LINGO2: variants seen among roughly 807,000 people sequenced by gnomAD.
The protein encoded by LINGO2 is leucine-rich repeat and immunoglobulin-like domain-containing nogo receptor-interacting protein 2.
A neutral mutation model predicts 30.6 loss-of-function variants in LINGO2; 14 were observed. The ratio of observed to expected loss-of-function variants is 0.46; its 90% CI spans 0.30 to 0.72. The LOEUF is 0.72. Among genes scored for constraint, LINGO2 ranks in the 30% least tolerant of loss-of-function variants. The probability of loss-of-function intolerance (pLI) is 0.07; values close to 1 mark genes in which losing one functional copy is unlikely to be tolerated. For missense variants in LINGO2, 729 were observed against 751.7 expected, an observed-to-expected ratio of 0.97 and a Z score of 0.35; for synonymous variants, 317 against 288.5, an observed-to-expected ratio of 1.10 and a Z score of -1.00.
chr9:28,398,804 G>C (rs1047916488), intron 2 of LINGO2, among the ~76,000 whole-genome samples: 8 of 152,092 alleles, frequency 5.3e-5, no homozygotes, highest in Non-Finnish European at 1.0e-4. Context: ...TTCAGGAAAT[G>C]TAATTTTTGA....
intron 4 of LINGO2, among the ~76,000 whole-genome samples, chr9:28,042,740 T>TGA (rs1563937768): frequency 6.6e-6 from 1 of 152,206 alleles, no homozygotes; most frequent in Non-Finnish European, 1.5e-5. Context: ...CTGCAATCAA[T>TGA]ATCATCTTAT....
At chr9:28,036,230 CCAT>C (rs1323252516) in intron 4 of LINGO2, among the ~76,000 whole-genome samples, 4 of 152,088 alleles carry the variant, frequency 2.6e-5, no homozygotes, top group African/African-American at 9.7e-5. Context: ...AACAAACAGC[CCAT>C]CATCATGTAG....
At chr9:28,726,285 G>A in the LINGO2 span, among the ~76,000 whole-genome samples, 1 of 152,086 alleles carries the variant, frequency 6.6e-6, no homozygotes, top group Non-Finnish European at 1.5e-5. Flanking sequence ...AAGTGTTAAT[G>A]TTAGTGTTAA....
intron 2 of LINGO2, among the ~76,000 whole-genome samples, chr9:28,385,816 C>G (rs1821556163): frequency 6.6e-6 from 1 of 151,932 alleles, no homozygotes; most frequent in African/African-American, 2.4e-5. Flanking sequence ...GAAAATGGAC[C>G]CAGAGAGAAA....
At position 28,560,155 on chromosome 9, in the gene LINGO2, TG is replaced by T. The variant is rs545114941; in HGVS notation, c.-364-84131del. 2.0e-5 allele frequency among the ~76,000 whole-genome samples: 3 copies of T among 152,156 alleles called. No homozygotes were observed. In the East Asian group the frequency reaches 5.8e-4, roughly 29 times the overall value. Reference sequence around the variant, plus strand: ...TACGTTACCAATACTTCTCATCTTTTGGGTACTGTGAGGATTAATAGTATGT... The same window carrying T: ...TACGTTACCAATACTTCTCATCTTTTGGTACTGTGAGGATTAATAGTATGT... On this transcript the variant is annotated intron_variant, in intron 1 of 5. Transcript: ENST00000379992.
chr9:29,114,110 AC>A, the LINGO2 span, among the ~76,000 whole-genome samples: 1 of 146,440 alleles, frequency 6.8e-6, no homozygotes, highest in African/African-American at 2.5e-5. Context: ...GCTTTTTCTG[AC>A]TTTTTTGGTT....
intron 1 of LINGO2, among the ~76,000 whole-genome samples, chr9:28,590,685 T>C (rs1824843347): frequency 6.6e-6 from 1 of 151,978 alleles, no homozygotes; most frequent in South Asian, 2.1e-4. Flanking sequence ...TGTGGAGAAA[T>C]AGGAACACTT....
chr9:28,539,449 C>T (rs1325599328), intron 1 of LINGO2, among the ~76,000 whole-genome samples: 4 of 151,908 alleles, frequency 2.6e-5, no homozygotes, highest in South Asian at 2.1e-4. Context: ...AATGAACACA[C>T]ATTATGTTTA....
At chr9:28,987,388 A>G in the LINGO2 span, among the ~76,000 whole-genome samples, 4 of 151,806 alleles carry the variant, frequency 2.6e-5, no homozygotes, top group Admixed American at 2.6e-4. Context: ...ATCAACTTTA[A>G]TGTCTTCCCT....
chr9:28,422,964 A>T (rs919720873), intron 2 of LINGO2, among the ~76,000 whole-genome samples: 2 of 152,100 alleles, frequency 1.3e-5, no homozygotes, highest in Non-Finnish European at 2.9e-5. Flanking sequence ...ATTATCAGGT[A>T]CCTAGAATAG....
intron 4 of LINGO2, among the ~76,000 whole-genome samples, chr9:28,069,525 A>T (rs2133165815): frequency 6.6e-6 from 1 of 152,288 alleles, no homozygotes; most frequent in Non-Finnish European, 1.5e-5. Context: ...TAATTTAAGC[A>T]GGACTCAGCC....
chr9:28,956,454 T>C, the LINGO2 span, among the ~76,000 whole-genome samples: 1 of 152,126 alleles, frequency 6.6e-6, no homozygotes, highest in Non-Finnish European at 1.5e-5. Flanking sequence ...ACTGTTTCTT[T>C]ATCTGTAAAG....
chr9:28,839,069 A>G, the LINGO2 span, among the ~76,000 whole-genome samples: 1 of 152,310 alleles, frequency 6.6e-6, no homozygotes, highest in East Asian at 1.9e-4. Flanking sequence ...GGAACTGTGG[A>G]GTCCCAAAGA....
At chr9:28,465,320 C>A (rs543204394) in intron 2 of LINGO2, among the ~76,000 whole-genome samples, 1 of 152,110 alleles carries the variant, frequency 6.6e-6, no homozygotes, top group East Asian at 1.9e-4. Context: ...AGTGGGAAGG[C>A]GGCCTAACCA....
the LINGO2 span, among the ~76,000 whole-genome samples, chr9:28,680,667 CA>C: frequency 2.0e-5 from 3 of 152,014 alleles, no homozygotes; most frequent in Non-Finnish European, 4.4e-5. Flanking sequence ...TTTATTTTAA[CA>C]GGTGTGAGGT....
At chr9:29,154,878 G>A in the LINGO2 span, among the ~76,000 whole-genome samples, 6,471 of 152,228 alleles carry the variant, frequency 0.043, 205 homozygotes, top group Admixed American at 0.08. Context: ...GTCTCCTCTA[G>A]TACAAAAATC....
At chr9:28,104,657 T>A (rs1321972238) in intron 4 of LINGO2, among the ~76,000 whole-genome samples, 1 of 152,086 alleles carries the variant, frequency 6.6e-6, no homozygotes, top group East Asian at 1.9e-4. Flanking sequence ...CCTTTTGTAT[T>A]TCTGTATGTT....
intron 1 of LINGO2, among the ~76,000 whole-genome samples, chr9:28,587,672 A>T (rs573031066): frequency 1.3e-5 from 2 of 151,672 alleles, no homozygotes; most frequent in Non-Finnish European, 2.9e-5. Flanking sequence ...GGTCATAGCA[A>T]AACTGAGAAG....
At chr9:28,636,605 T>C (rs1432746402) in intron 1 of LINGO2, among the ~76,000 whole-genome samples, 2 of 152,240 alleles carry the variant, frequency 1.3e-5, no homozygotes, top group African/African-American at 4.8e-5. Flanking sequence ...TTGTGTCTGT[T>C]GGCTGCATAA....
Sources: gnomAD v4.1 joint callset for allele counts (sites outside exome capture counted in the v4.1 genomes callset) on GRCh38, gnomAD v4.1.1 for gene constraint, MANE v1.5 for transcripts, NCBI Gene and HGNC (gene_info 2026-07-23, HGNC 2026-07-21) for gene names.